Variants in KRT1 observed in about 807,000 individuals in gnomAD.
The protein encoded by KRT1 is keratin, type II cytoskeletal 1.
A neutral mutation model predicts 51.6 loss-of-function variants in KRT1; 28 were observed. The ratio of observed to expected loss-of-function variants is 0.54; its 90% CI spans 0.40 to 0.74. The LOEUF (loss-of-function observed/expected upper bound fraction) is 0.74, where lower values mean the gene tolerates loss of function less well. Ranked by LOEUF, KRT1 falls within the 30% of genes least tolerant of loss-of-function variation. KRT1 has a pLI of 0.00. For synonymous variants in KRT1, 301 were observed against 307.7 expected (o/e 0.98, Z 0.23); for missense variants, 783 against 815.5 (o/e 0.96, Z 0.49).
Position 52,680,004 on chromosome 12 carries a change from C to T in KRT1, c.345G>A (p.Gly115=), listed in dbSNP as rs1184390394. The change falls in exon 1 of 9, where the codon GGG becomes GGA. Residue 115 remains glycine (G), a synonymous_variant. Coordinates refer to ENST00000252244, the MANE Select transcript of KRT1 (RefSeq NM_006121.4). ...GGGGFGGGGI[G]GGGFGGFGSG... ...TGCCAAAACCACCAAAGCCACCACC[C>T]CCAATGCCACCTCCACCAAAGCCAC... The T allele has an allele frequency of 2.5e-6, 4 of 1,578,642 alleles. No individual in the cohort carries two copies. Among genetic ancestry groups the T allele is most frequent in the African/African-American group, 1.4e-5 (1 of 73,732 alleles).
chr12:52,679,997 C>A lies in KRT1; in HGVS notation c.352G>T (p.Gly118Cys). ...GFGGGGIGGG[G>C]FGGFGSGGGG... The stretch of plus-strand genomic sequence containing the variant: ...CCACCACTGCCAAAACCACCAAAGC[C>A]ACCACCCCCAATGCCACCTCCACCA... Residue 118 changes from glycine to cysteine, a missense_variant, in exon 1 of 9, where the codon GGC becomes TGC. Coordinates refer to ENST00000252244, the MANE Select transcript of KRT1 (RefSeq NM_006121.4). 6.3e-7 allele frequency: 1 copy of A among 1,590,190 alleles called. No homozygotes were observed. The highest frequency in any genetic ancestry group is 8.6e-7 in the Non-Finnish European group (1 of 1,167,394).
At chr12:52,677,552 A>AG in intron 4 of KRT1, 72 bp from the exon 5 acceptor site, 1 of 1,606,056 alleles carries the variant, frequency 6.2e-7, no homozygotes, top group Middle Eastern at 1.7e-4. Flanking sequence ...GAAAGCAGTC[A>AG]GAAAATAAAA....
At chr12:52,679,219 A>G (rs976613142) in intron 1 of KRT1, among the ~76,000 whole-genome samples, 1 of 152,212 alleles carries the variant, frequency 6.6e-6, no homozygotes, top group Admixed American at 6.5e-5. Context: ...TGAGTTTTTT[A>G]GAGCTGATTT....
Position 52,678,772 on chromosome 12 carries a change from C to T in KRT1, c.592-16G>A. ...GGAACCTCACCTAAAAACACAAGACCCCTTTACTCCTGATGCATAAATGGA... is the reference window on the plus strand; with the variant it reads ...GGAACCTCACCTAAAAACACAAGACTCCTTTACTCCTGATGCATAAATGGA... On this transcript the variant is annotated splice_polypyrimidine_tract_variant and intron_variant, in intron 1 of 8. Coordinates refer to ENST00000252244, the MANE Select transcript of KRT1 (RefSeq NM_006121.4). The T allele has an allele frequency of 1.2e-6, 2 of 1,609,888 alleles. No homozygotes were observed. The highest frequency in any genetic ancestry group is 1.7e-6 in the Non-Finnish European group (2 of 1,177,422).
In KRT1 at chr12:52,675,436, GCCACCT is replaced by G. The variant is rs1565646269; in HGVS notation, c.1686_1691del (p.Gly563_Gly564del). On this transcript the variant is annotated inframe_deletion, in exon 9 of 9. Transcript: ENST00000252244. ...CGCCGCCACCTCCAGAGCCATAGCT[GCCACCT>G]CCGGAGCCGTAGCTGCTACCTCCGG... 1 of 1,492,396 alleles carries G rather than the reference GCCACCT, an allele frequency of 6.7e-7. No homozygotes were observed. The highest frequency in any genetic ancestry group is 9.1e-7 in the Non-Finnish European group (1 of 1,100,894). The allele number at this position is 1,492,396 out of a possible 1,614,324, so 92.4% of individuals were successfully genotyped here. A position where few individuals can be genotyped will look rare whatever the true frequency, so the allele number is the denominator to read the frequency against.
In KRT1 at chr12:52,674,934, G is replaced by T; in HGVS notation, c.*259C>A. 1 of 605,048 alleles carries T rather than the reference G, an allele frequency of 1.7e-6. No homozygotes were observed. The highest frequency in any genetic ancestry group is 2.9e-6 in the Non-Finnish European group (1 of 340,700). The allele number at this position is 605,048 out of a possible 1,614,324, so 37.5% of individuals were successfully genotyped here. A position where few individuals can be genotyped will look rare whatever the true frequency, so the allele number is the denominator to read the frequency against. On this transcript the variant is annotated 3_prime_UTR_variant, in exon 9 of 9. Transcript: ENST00000252244. ...AAGGAGGTGCTTTGAAATGTCATGT[G>T]GGTGGTGGTCACTGCTGAACTGTTT... is the stretch of plus-strand genomic sequence containing the variant.
chr12:52,679,361 C>T (rs1181245265), intron 1 of KRT1, among the ~76,000 whole-genome samples: 2 of 152,156 alleles, frequency 1.3e-5, no homozygotes, highest in Non-Finnish European at 2.9e-5. Context: ...TACAATAACA[C>T]TCTATACTAT....
Position 52,677,634 on chromosome 12 carries a change from A to G in KRT1, c.963+16T>C, listed in dbSNP as rs1314653182. 6.2e-7 allele frequency: 1 copy of G among 1,613,408 alleles called. No homozygotes were observed. The highest frequency in any genetic ancestry group is 1.6e-4 in the Middle Eastern group (1 of 6,084). Reference sequence around the variant, plus strand: ...CTCTCCATTTAGATAAACTTGGTTGAAACTGGAAGACTTACTGCTTGGTAG... The same window carrying G: ...CTCTCCATTTAGATAAACTTGGTTGGAACTGGAAGACTTACTGCTTGGTAG... On this transcript the variant is annotated intron_variant, in intron 4 of 8. Transcript: ENST00000252244.
In KRT1 at chr12:52,675,490, G is replaced by A. The variant is rs774367908; in HGVS notation, c.1638C>T (p.Gly546=). Residue 546 remains glycine, a synonymous_variant, in exon 9 of 9, where the codon GGC becomes GGT. Transcript: ENST00000252244. ...GGSYGSGGGG[G]GGRGSYGSGG... ...CGGAGCCATAGCTGCCACGGCCGCC[G>A]CCGCCGCCACCTCCAGAACCATAGC... is the stretch of plus-strand genomic sequence containing the variant. 1.3e-5 allele frequency: 20 copies of A among 1,546,442 alleles called. No homozygotes were observed. Among genetic ancestry groups the A allele is most frequent in the East Asian group, 4.6e-5 (2 of 43,522 alleles).
rs758600681 is a variant in KRT1, at chr12:52,675,731, A to G, written c.1489T>C (p.Cys497Arg). The change falls in exon 8 of 9, where the codon TGT becomes CGT. Residue 497 changes from cysteine to arginine, a missense_variant. Physicochemically the swap from Cys to Arg is radical, Grantham distance 180 (BLOSUM62 -3). Transcript: ENST00000252244. ...TTACACACACTCACGTTCGGGGCACATTCTCCAGACATCCTGTAGGAGAAA... is the reference window on the plus strand; with the variant it reads ...TTACACACACTCACGTTCGGGGCACGTTCTCCAGACATCCTGTAGGAGAAA... ...EGEESRMSGE[C>R]APNVSVSVST... The G allele has an allele frequency of 1.9e-6, 3 of 1,614,196 alleles. No individual in the cohort carries two copies. Among genetic ancestry groups the G allele is most frequent in the Admixed American group, 3.3e-5 (2 of 60,022 alleles).
In KRT1 at chr12:52,678,229, G is replaced by A. The variant is rs760517071; in HGVS notation, c.807-6C>T. 2.5e-6 allele frequency: 4 copies of A among 1,613,796 alleles called. No individual in the cohort carries two copies. The highest frequency in any genetic ancestry group is 1.7e-5 in the Admixed American group (1 of 60,006). ...TGTTGATTTCATCCTCATACCTGCAGGAAAGCAGAAACAATTAGGAGATTC... is the reference window on the plus strand; with the variant it reads ...TGTTGATTTCATCCTCATACCTGCAAGAAAGCAGAAACAATTAGGAGATTC... On this transcript the variant is annotated splice_region_variant and splice_polypyrimidine_tract_variant and intron_variant, in intron 2 of 8. Coordinates refer to ENST00000252244, the MANE Select transcript of KRT1 (RefSeq NM_006121.4).
chr12:52,675,424 A>G lies in KRT1; in HGVS notation c.1704T>C (p.Ser568=). ...SYGSGGGSYG[S]GGGGGGHGSY... is the part of the protein sequence containing the mutation. ...TGCCATGGCCGCCGCCGCCACCTCCAGAGCCATAGCTGCCACCTCCGGAGC... is the reference window on the plus strand; with the variant it reads ...TGCCATGGCCGCCGCCGCCACCTCCGGAGCCATAGCTGCCACCTCCGGAGC... The change falls in exon 9 of 9, where the codon TCT becomes TCC. Residue 568 remains serine, a synonymous_variant. Transcript: ENST00000252244. 6.6e-7 allele frequency: 1 copy of G among 1,504,898 alleles called. No homozygotes were observed. Among genetic ancestry groups the G allele is most frequent in the South Asian group, 1.2e-5 (1 of 84,468 alleles). The allele number at this position is 1,504,898 out of a possible 1,614,324, so 93.2% of individuals were successfully genotyped here. A position where few individuals can be genotyped will look rare whatever the true frequency, so the allele number is the denominator to read the frequency against.
At chr12:52,676,527 T>C (rs1176172175) in intron 6 of KRT1, 32 bp from the exon 7 acceptor site, 5 of 1,608,502 alleles carry the variant, frequency 3.1e-6, no homozygotes, top group Admixed American at 1.7e-5. Flanking sequence ...TCTCATAATA[T>C]GCATTCCCCA....
At chr12:52,679,113 A>G (rs1269470779) in intron 1 of KRT1, among the ~76,000 whole-genome samples, 2 of 152,258 alleles carry the variant, frequency 1.3e-5, no homozygotes, top group Non-Finnish European at 2.9e-5. Flanking sequence ...TCAAAAGTAT[A>G]TCAGGAAAAT....
intron 3 of KRT1, 113 bp from the exon 4 acceptor site, chr12:52,677,858 T>C: frequency 1.1e-6 from 1 of 909,194 alleles, no homozygotes; most frequent in Non-Finnish European, 1.8e-6. Flanking sequence ...ACTCCACTCC[T>C]TTTTGCCCCA....
rs1367982890 is a variant in KRT1, at chr12:52,677,729, T to A, written c.884A>T (p.Tyr295Phe). The A allele has an allele frequency of 6.2e-7, 1 of 1,614,158 alleles. No homozygotes were observed. Among genetic ancestry groups the A allele is most frequent in the East Asian group, 2.2e-5 (1 of 44,876 alleles). ...GGCCTGAAGGTCCACCTTGGTCATA[T>A]AAGCACCATCCACATCCTAGAGGAA... ...VTIKKDVDGA[Y>F]MTKVDLQAKL... Residue 295 changes from tyrosine (Y) to phenylalanine (F), a missense_variant, in exon 4 of 9, where the codon TAT becomes TTT. Coordinates refer to ENST00000252244, the MANE Select transcript of KRT1 (RefSeq NM_006121.4).
Position 52,678,220 on chromosome 12 carries a change from A to G in KRT1, c.810T>C (p.Tyr270=). The change falls in exon 3 of 9, where the codon TAT becomes TAC. Residue 270 remains tyrosine, a synonymous_variant. Coordinates refer to ENST00000252244, the MANE Select transcript of KRT1 (RefSeq NM_006121.4). ...TTGTCCGCTTGTTGATTTCATCCTC[A>G]TACCTGCAGGAAAGCAGAAACAATT... The part of the protein sequence containing the change: ...QDMVEDYRNK[Y]EDEINKRTNA... The G allele has an allele frequency of 6.2e-7, 1 of 1,614,066 alleles. No individual in the cohort carries two copies. The highest frequency in any genetic ancestry group is 8.5e-7 in the Non-Finnish European group (1 of 1,180,006).
At position 52,680,084 on chromosome 12, in the gene KRT1, C is replaced by T. The variant is rs757500946; in HGVS notation, c.265G>A (p.Gly89Ser). 3 of 1,556,054 alleles carry T rather than the reference C, an allele frequency of 1.9e-6. No individual in the cohort carries two copies. The highest frequency in any genetic ancestry group is 2.4e-5 in the East Asian group (1 of 41,000). ...CCACCACCATAACCACCACCAAAGC[C>T]ACTACCACGTCCACCTCCTCTAGCC... ...SVARGGGRGS[G>S]FGGGYGGGGF... Residue 89 changes from glycine (G) to serine (S), a missense_variant, in exon 1 of 9, where the codon GGC becomes AGC. Gly to Ser is a moderately conservative substitution (Grantham distance 56). Coordinates refer to ENST00000252244, the MANE Select transcript of KRT1 (RefSeq NM_006121.4).
At chr12:52,678,485 A>G in intron 2 of KRT1, 57 bp downstream of exon 2, 2 of 1,519,874 alleles carry the variant, frequency 1.3e-6, no homozygotes, top group East Asian at 4.5e-5. Context: ...TTAGCTTATT[A>G]CTTTCTGGAA....
Sources: gnomAD v4.1 joint callset for allele counts (sites outside exome capture counted in the v4.1 genomes callset) on GRCh38, gnomAD v4.1.1 for gene constraint, MANE v1.5 for transcripts, NCBI Gene and HGNC (gene_info 2026-07-23, HGNC 2026-07-21) for gene names.